ASPM: variants seen among roughly 807,000 people sequenced by gnomAD.
ASPM encodes the protein abnormal spindle-like microcephaly-associated protein.
ASPM carries 256 observed loss-of-function variants against 366.4 expected under a neutral mutation model. The ratio of observed to expected loss-of-function variants is 0.70; its 90% CI spans 0.63 to 0.77. The LOEUF (loss-of-function observed/expected upper bound fraction) is 0.77. Among genes scored for constraint, ASPM ranks in the 30% least tolerant of loss-of-function variants. The pLI, the probability that ASPM is intolerant of heterozygous loss-of-function variation, is 0.00. For missense variants in ASPM, 4,146 were observed against 4,090.4 expected, an observed-to-expected ratio of 1.01 and a Z score of -0.37; for synonymous variants, 1,414 against 1,342.9, an observed-to-expected ratio of 1.05 and a Z score of -1.16.
In ASPM at chr1:197,084,258, C is replaced by T. The variant is rs1656514067; in HGVS notation, c.*66G>A. On this transcript the variant is annotated 3_prime_UTR_variant, in exon 28 of 28. Transcript: ENST00000367409. ...AGTTGTACACGGAGAGCAAAAATCA[C>T]TTTACGTACTCATGATTGGCTTTAA... 8.1e-7 allele frequency: 1 copy of T among 1,229,128 alleles called. No homozygotes were observed. The highest frequency in any genetic ancestry group is 1.5e-5 in the African/African-American group (1 of 67,086). The allele number at this position is 1,229,128 out of a possible 1,614,324, so 76.1% of individuals were successfully genotyped here.
At position 197,102,136 on chromosome 1, in the gene ASPM, C is replaced by T. The variant is rs1183920091; in HGVS notation, c.7115G>A (p.Arg2372Lys). The T allele has an allele frequency of 1.2e-6, 2 of 1,612,902 alleles. No individual in the cohort carries two copies. The highest frequency in any genetic ancestry group is 1.7e-6 in the Non-Finnish European group (2 of 1,179,290). The change falls in exon 18 of 28, where the codon AGA becomes AAA. Residue 2372 changes from arginine to lysine, a missense_variant. Transcript: ENST00000367409. Reference protein sequence around the residue: ...VVIQQQYQANRAAKLQRQHYL... With the variant: ...VVIQQQYQANKAAKLQRQHYL... ...ATGCTGCCTCTGCAGTTTTGCAGCT[C>T]TATTTGCTTGGTATTGCTGTTGGAT...
chr1:197,125,886 A>G (rs1658076830), intron 10 of ASPM, among the ~76,000 whole-genome samples: 1 of 152,224 alleles, frequency 6.6e-6, no homozygotes, highest in African/African-American at 2.4e-5. Context: ...TAAAGGCTAG[A>G]AAGAGACTTA....
chr1:197,141,067 A>G (rs1034772518), intron 3 of ASPM, among the ~76,000 whole-genome samples: 22 of 152,132 alleles, frequency 1.4e-4, no homozygotes, highest in African/African-American at 5.1e-4. Context: ...ACTAAATATA[A>G]GCAAAGAGAC....
intron 25 of ASPM, among the ~76,000 whole-genome samples, chr1:197,089,509 T>G (rs1472899143): frequency 6.6e-6 from 1 of 151,984 alleles, no homozygotes; most frequent in African/African-American, 2.4e-5. Flanking sequence ...GAATCCAAAT[T>G]CAACTCTACC....
Position 197,104,568 on chromosome 1 carries a change from T to C in ASPM, c.4683A>G (p.Arg1561=). The C allele has an allele frequency of 6.2e-7, 1 of 1,612,890 alleles. No individual in the cohort carries two copies. The highest frequency in any genetic ancestry group is 8.5e-7 in the Non-Finnish European group (1 of 1,179,418). ...LKAHNLCRQI[R]AACVIQSYWR... The stretch of plus-strand genomic sequence containing the variant: ...AGTATGACTGAATAACACAAGCAGC[T>C]CTAATTTGTCTACATAAATTATGAG... Residue 1561 remains arginine (R), a synonymous_variant, in exon 18 of 28, where the codon AGA becomes AGG. Coordinates refer to ENST00000367409, the MANE Select transcript of ASPM (RefSeq NM_018136.5).
At chr1:197,119,198 A>T (rs1355742658) in intron 16 of ASPM, among the ~76,000 whole-genome samples, 2 of 152,210 alleles carry the variant, frequency 1.3e-5, no homozygotes, top group African/African-American at 4.8e-5. Context: ...GAGAAAGAGT[A>T]GACAATTCCA....
rs1362146924 is a variant in ASPM, at chr1:197,142,950, A to C, written c.1302T>G (p.Val434=). The C allele has an allele frequency of 1.8e-5, 29 of 1,613,878 alleles. No individual in the cohort carries two copies. The highest frequency in any genetic ancestry group is 2.7e-5 in the African/African-American group (2 of 74,928). ...CCTGACATTCAGGAATACGTGGCGAAACTTCACTTTTTCTCCAATCTTCAG... is the reference window on the plus strand; with the variant it reads ...CCTGACATTCAGGAATACGTGGCGACACTTCACTTTTTCTCCAATCTTCAG... ...QSPEDWRKSE[V]SPRIPECQGS... is the part of the protein sequence containing the mutation. The change falls in exon 3 of 28, where the codon GTT becomes GTG. Residue 434 remains valine (V), a synonymous_variant. Transcript: ENST00000367409.
At chr1:197,134,490 T>C (rs1658359955) in intron 5 of ASPM, among the ~76,000 whole-genome samples, 1 of 152,168 alleles carries the variant, frequency 6.6e-6, no homozygotes, top group Non-Finnish European at 1.5e-5. Flanking sequence ...AACACCAGAA[T>C]AGGAAAATCA....
intron 17 of ASPM, among the ~76,000 whole-genome samples, chr1:197,105,390 C>T (rs1025689716): frequency 1.5e-4 from 23 of 151,824 alleles, no homozygotes; most frequent in African/African-American, 5.3e-4. Context: ...GAAATCCATC[C>T]AAATCTTCAT....
At position 197,139,428 on chromosome 1, in the gene ASPM, C is replaced by G; in HGVS notation, c.2026+339G>C. 5 of 555,758 alleles carry G rather than the reference C, an allele frequency of 9.0e-6. No homozygotes were observed. The South Asian group carries it at 1.1e-4, about 12-fold the overall frequency. 34.4% of individuals were successfully genotyped at this position (555,758 alleles called of 1,614,324 possible). A position where few individuals can be genotyped will look rare whatever the true frequency, so the allele number is the denominator to read the frequency against. On this transcript the variant is annotated intron_variant, in intron 4 of 27. Coordinates refer to ENST00000367409, the MANE Select transcript of ASPM (RefSeq NM_018136.5). Reference sequence around the variant, plus strand: ...CGGCCAACACGGTGAAACCCCGTCTCCACTAAAAATACAAAAAAATTAGCC... The same window carrying G: ...CGGCCAACACGGTGAAACCCCGTCTGCACTAAAAATACAAAAAAATTAGCC...
chr1:197,146,245 G>C lies in ASPM; in HGVS notation c.193C>G (p.Leu65Val). 1 of 1,614,160 alleles carries C rather than the reference G, an allele frequency of 6.2e-7. No individual in the cohort carries two copies. Among genetic ancestry groups the C allele is most frequent in the Non-Finnish European group, 8.5e-7 (1 of 1,180,040 alleles). Residue 65 changes from leucine (L) to valine (V), a missense_variant, in exon 1 of 28, where the codon CTG becomes GTG. Coordinates refer to ENST00000367409, the MANE Select transcript of ASPM (RefSeq NM_018136.5). ...VLLGASRTLSLALDNPNEEVA... is the reference protein window; with the variant it reads ...VLLGASRTLSVALDNPNEEVA... ...TCCTCGTTAGGGTTGTCTAGGGCCA[G>C]AGACAGCGTCCGTGAGGCTCCCAGG...
chr1:197,145,463 C>T (rs1232929504), intron 1 of ASPM, among the ~76,000 whole-genome samples: 1 of 151,998 alleles, frequency 6.6e-6, no homozygotes, highest in African/African-American at 2.4e-5. Flanking sequence ...TTGAAAACAA[C>T]TCTGAATAGG....
chr1:197,142,483 A>G lies in ASPM; in HGVS notation c.1769T>C (p.Ile590Thr), dbSNP rs2125113698. 1 of 1,614,004 alleles carries G rather than the reference A, an allele frequency of 6.2e-7. No individual in the cohort carries two copies. The highest frequency in any genetic ancestry group is 8.5e-7 in the Non-Finnish European group (1 of 1,179,884). The part of the protein sequence containing the change: ...SMEDANVRVA[I>T]TEHTEVREIK... ...TTCTCGCACTTCTGTATGTTCTGTA[A>G]TTGCAACTCTCACATTTGCATCTTC... The change falls in exon 3 of 28, where the codon ATT (isoleucine) becomes ACT (threonine). Residue 590 changes from isoleucine (I) to threonine (T), a missense_variant. By Grantham distance (89) the Ile-to-Thr change is moderately conservative (BLOSUM62 -1). Coordinates refer to ENST00000367409, the MANE Select transcript of ASPM (RefSeq NM_018136.5).
At position 197,100,636 on chromosome 1, in the gene ASPM, G is replaced by A. The variant is rs142176273; in HGVS notation, c.8615C>T (p.Thr2872Met). 2.7e-5 allele frequency: 44 copies of A among 1,611,940 alleles called. No individual in the cohort carries two copies. The highest frequency in any genetic ancestry group is 6.7e-5 in the Admixed American group (4 of 59,686). ...AAITLQHYFR[T>M]WQTRKQFLLY... ...TAAAAACTGTTTTCTGGTTTGCCAC[G>A]TCCTAAAATAATGCTGTAAAGTGAT... The change falls in exon 18 of 28, where the codon ACG (threonine) becomes ATG (methionine). Residue 2872 changes from threonine to methionine, a missense_variant. By Grantham distance (81) the Thr-to-Met change is moderately conservative. Transcript: ENST00000367409.
chr1:197,124,994 A>G lies in ASPM; in HGVS notation c.3083-39T>C, dbSNP rs368323428. On this transcript the variant is annotated intron_variant, in intron 11 of 27. Coordinates refer to ENST00000367409, the MANE Select transcript of ASPM (RefSeq NM_018136.5). ...GGTTGTCCATTAGCATAATGTACGC[A>G]CATATCAATATTCAGTGAGGAGAAT... 10 of 1,605,908 alleles carry G rather than the reference A, an allele frequency of 6.2e-6. No homozygotes were observed. In the African/African-American group the frequency reaches 1.3e-4, roughly 21 times the overall value.
chr1:197,093,331 T>C (rs1445102215), intron 20 of ASPM, 70 bp from the exon 21 acceptor site: 1 of 1,239,864 alleles, frequency 8.1e-7, no homozygotes, highest in African/African-American at 1.5e-5. Flanking sequence ...CTAGAAGTTC[T>C]TGAATTTCTC....
At chr1:197,117,323 TC>T (rs1657766352) in intron 17 of ASPM, among the ~76,000 whole-genome samples, 1 of 151,988 alleles carries the variant, frequency 6.6e-6, no homozygotes, top group African/African-American at 2.4e-5. Context: ...ATATATTTTT[TC>T]CTAAAAAGAA....
chr1:197,097,596 C>T (rs1657019098), intron 18 of ASPM, among the ~76,000 whole-genome samples: 1 of 151,770 alleles, frequency 6.6e-6, no homozygotes, highest in Non-Finnish European at 1.5e-5. Flanking sequence ...ATGACCTTAA[C>T]TCATTCAGAC....
chr1:197,127,430 T>C (rs999880876), intron 10 of ASPM, among the ~76,000 whole-genome samples: 10 of 152,226 alleles, frequency 6.6e-5, no homozygotes, highest in African/African-American at 2.4e-4. Context: ...ACTAGCTGTT[T>C]TGAGGCATAG....
Sources: allele counts gnomAD v4.1 joint callset (sites outside exome capture counted in the v4.1 genomes callset), GRCh38; gene constraint gnomAD v4.1.1; transcripts MANE v1.5; gene names NCBI Gene and HGNC (gene_info 2026-07-23, HGNC 2026-07-21).